SGF29: variants seen among roughly 807,000 people sequenced by gnomAD.
The protein encoded by SGF29 is SAGA-associated factor 29.
A neutral mutation model predicts 38.1 loss-of-function variants in SGF29; 15 were observed. The ratio of observed to expected loss-of-function variants is 0.39; its 90% CI spans 0.26 to 0.61. The LOEUF (loss-of-function observed/expected upper bound fraction) is 0.61. Among genes scored for constraint, SGF29 ranks in the 20% least tolerant of loss-of-function variants. The pLI, the probability that SGF29 is intolerant of heterozygous loss-of-function variation, is 0.49. For synonymous variants in SGF29, 151 were observed against 160.8 expected (o/e 0.94, Z 0.46); for missense variants, 184 against 394.6 (o/e 0.47, Z 4.52).
intron 1 of SGF29, among the ~76,000 whole-genome samples, chr16:28,564,773 G>GTA (rs369629923): frequency 5.3e-5 from 2 of 37,956 alleles, no homozygotes; most frequent in African/African-American, 2.1e-4. Context: ...GTATATATAT[G>GTA]TATATATATA....
At chr16:28,578,210 C>G (rs1027698187) in intron 1 of SGF29, among the ~76,000 whole-genome samples, 10 of 151,608 alleles carry the variant, frequency 6.6e-5, no homozygotes, top group African/African-American at 2.4e-4. Flanking sequence ...TGAGTTCTAA[C>G]CTTGTCTTAG....
intron 2 of SGF29, among the ~76,000 whole-genome samples, chr16:28,582,623 G>C (rs1371421301): frequency 3.9e-5 from 6 of 152,132 alleles, no homozygotes; most frequent in Admixed American, 3.9e-4. Context: ...TCTAAGAAGA[G>C]TTTATCAATA....
intron 1 of SGF29, among the ~76,000 whole-genome samples, chr16:28,580,822 C>G (rs1200465973): frequency 6.6e-6 from 1 of 152,184 alleles, no homozygotes; most frequent in Non-Finnish European, 1.5e-5. Context: ...GCTGGGACTA[C>G]AGATGTGTGC....
intron 1 of SGF29, among the ~76,000 whole-genome samples, chr16:28,576,015 T>C (rs2046890588): frequency 6.6e-6 from 1 of 152,102 alleles, no homozygotes; most frequent in Admixed American, 6.5e-5. Context: ...GACAATAGCA[T>C]GTGTTGGCGC....
At chr16:28,580,955 A>G (rs2046921397) in intron 1 of SGF29, 100 bp from the exon 2 acceptor site, 1 of 886,750 alleles carries the variant, frequency 1.1e-6, no homozygotes, top group South Asian at 1.5e-5. Flanking sequence ...TGCTGGGATT[A>G]CAGCATGAGC....
In SGF29 at chr16:28,579,197, C is replaced by T. The variant is rs151018824; in HGVS notation, c.-15-1858C>T. Among the ~76,000 whole-genome samples, 710 of 151,756 alleles carry T rather than the reference C, an allele frequency of 4.7e-3. 12 individuals carry two copies. The highest frequency in any genetic ancestry group is 0.016 in the African/African-American group (668 of 41,370). ...TCTTGAGGCATATGTCTATTTTCACCTACTTGTAACTTACACTCTTGATTA... is the reference window on the plus strand; with the variant it reads ...TCTTGAGGCATATGTCTATTTTCACTTACTTGTAACTTACACTCTTGATTA... On this transcript the variant is annotated intron_variant, in intron 1 of 9. Coordinates refer to ENST00000317058, the MANE Select transcript of SGF29 (RefSeq NM_138414.3).
At chr16:28,570,879 C>T (rs1388089073) in intron 1 of SGF29, among the ~76,000 whole-genome samples, 1 of 151,964 alleles carries the variant, frequency 6.6e-6, no homozygotes, top group East Asian at 1.9e-4. Context: ...ACCCAGCCAC[C>T]CATATCTGAT....
At position 28,590,001 on chromosome 16, in the gene SGF29, C is replaced by T; in HGVS notation, c.290-95C>T. ...CTCGGGCTCACTCGGGAACTGGGGG[C>T]TCCCAGGTGCTCCTTCAACAGCTCA... On this transcript the variant is annotated intron_variant, in intron 5 of 9. Transcript: ENST00000317058. This position sits in a 1 kb window ranked among gnomAD's most constrained non-coding sequence, Gnocchi z 8.2. 6.8e-7 allele frequency: 1 copy of T among 1,476,226 alleles called. No individual in the cohort carries two copies. The allele number at this position is 1,476,226 out of a possible 1,614,324, so 91.4% of individuals were successfully genotyped here. A position where few individuals can be genotyped will look rare whatever the true frequency, so the allele number is the denominator to read the frequency against.
Position 28,584,911 on chromosome 16 carries a change from AG to A in SGF29, c.76del. On this transcript the variant is annotated splice_acceptor_variant, in intron 2 of 9. Coordinates refer to ENST00000317058, the MANE Select transcript of SGF29 (RefSeq NM_138414.3). LOFTEE classifies it high-confidence loss of function. Reference sequence around the variant, plus strand: ...CATGTCCTGCTGCTCTTTTCCTTACAGGAAGAGCGTTCGCGGAGCGAACACA... The same window carrying A: ...CATGTCCTGCTGCTCTTTTCCTTACAGAAGAGCGTTCGCGGAGCGAACACA... 4 of 1,612,736 alleles carry A rather than the reference AG, an allele frequency of 2.5e-6. No homozygotes were observed. Among genetic ancestry groups the A allele is most frequent in the Non-Finnish European group, 3.4e-6 (4 of 1,179,168 alleles).
intron 4 of SGF29, among the ~76,000 whole-genome samples, chr16:28,588,281 G>A (rs2046966832): frequency 6.6e-6 from 1 of 152,140 alleles, no homozygotes. Context: ...CTGTCTTTGG[G>A]TTCAGCCTTT....
chr16:28,558,532 T>G (rs565086976), intron 1 of SGF29, among the ~76,000 whole-genome samples: 1 of 152,302 alleles, frequency 6.6e-6, no homozygotes, highest in East Asian at 1.9e-4. Context: ...GTGTTGGGAT[T>G]ACAGGCATGA....
At chr16:28,564,480 G>A (rs751734608) in intron 1 of SGF29, among the ~76,000 whole-genome samples, 5 of 146,242 alleles carry the variant, frequency 3.4e-5, no homozygotes, top group Admixed American at 7.2e-5. Flanking sequence ...GTGTGTTAGC[G>A]TTCTCCAGAG....
intron 2 of SGF29, among the ~76,000 whole-genome samples, chr16:28,583,031 A>C (rs945460075): frequency 1.3e-5 from 2 of 152,256 alleles, no homozygotes; most frequent in African/African-American, 4.8e-5. Context: ...CCATACAACC[A>C]GGGTGTCCCT....
In SGF29 at chr16:28,590,142, G is replaced by A. The variant is rs1004481110; in HGVS notation, c.336G>A (p.Lys112=). ...GLYNDSEPPR[K]TMRRGVLMTL... ...ACAATGACTCGGAGCCACCCCGGAA[G>A]ACCATGCGCAGAGGGGTGCTGATGA... The change falls in exon 6 of 10, where the codon AAG becomes AAA. Residue 112 remains lysine, a synonymous_variant. Coordinates refer to ENST00000317058, the MANE Select transcript of SGF29 (RefSeq NM_138414.3). This position sits in a 1 kb window ranked among gnomAD's most constrained non-coding sequence, Gnocchi z 8.2. The A allele has an allele frequency of 3.1e-6, 5 of 1,611,984 alleles. No individual in the cohort carries two copies. Among genetic ancestry groups the A allele is most frequent in the Non-Finnish European group, 4.2e-6 (5 of 1,179,332 alleles).
chr16:28,580,927 C>T (rs549595950), intron 1 of SGF29, 128 bp from the exon 2 acceptor site: 30 of 689,832 alleles, frequency 4.3e-5, no homozygotes, highest in Middle Eastern at 4.0e-4. Flanking sequence ...GCAATCCTCC[C>T]GCCTTGGCCT....
chr16:28,585,692 G>A lies in SGF29; in HGVS notation c.196G>A (p.Ala66Thr), dbSNP rs533948701. The A allele has an allele frequency of 5.0e-6, 8 of 1,614,126 alleles. No individual in the cohort carries two copies. The East Asian group carries it at 6.7e-5, about 13-fold the overall frequency. Residue 66 changes from alanine (A) to threonine (T), a missense_variant, in exon 4 of 10, where the codon GCC (alanine) becomes ACC (threonine). By Grantham distance (58) the Ala-to-Thr change is moderately conservative. Transcript: ENST00000317058. ...AAAGCTGCGTGGCCTCTACACAACC[G>A]CCAAGGCCGATGCAGAGGCTGAGTG... ...RTKLRGLYTT[A>T]KADAEAECNI...
chr16:28,555,279 C>T (rs1456072162), intron 1 of SGF29, among the ~76,000 whole-genome samples: 2 of 149,064 alleles, frequency 1.3e-5, no homozygotes, highest in Non-Finnish European at 3.0e-5. Flanking sequence ...GCCCGAGCAA[C>T]GTGGTGAAAT....
intron 1 of SGF29, among the ~76,000 whole-genome samples, chr16:28,564,538 T>C (rs148111299): frequency 0.012 from 1,266 of 104,518 alleles, 18 homozygotes; most frequent in African/African-American, 0.033. Context: ...TATATATATA[T>C]GTATATATAT....
intron 1 of SGF29, among the ~76,000 whole-genome samples, chr16:28,566,100 C>T (rs563208188): frequency 1.6e-4 from 24 of 151,478 alleles, no homozygotes; most frequent in African/African-American, 4.6e-4. Flanking sequence ...GGTGAAACCC[C>T]GTCTCTACTA....
Sources: allele counts gnomAD v4.1 joint callset (sites outside exome capture counted in the v4.1 genomes callset), GRCh38; gene constraint gnomAD v4.1.1; non-coding constraint Gnocchi (gnomAD v3.1); transcripts MANE v1.5; gene names NCBI Gene and HGNC (gene_info 2026-07-23, HGNC 2026-07-21).